Variants in MYO10 observed in about 807,000 individuals in gnomAD.
MYO10 encodes myosin X.
In MYO10, 133 loss-of-function variants were observed where a neutral mutation model predicts 257.3. That is an observed-to-expected ratio of 0.52 (90% CI 0.45 to 0.60). MYO10 has a LOEUF of 0.60. Among genes scored for constraint, MYO10 ranks in the 20% least tolerant of loss-of-function variants. The pLI is 0.00. For synonymous variants in MYO10, 1,104 were observed against 1,028.6 expected (o/e 1.07, Z -1.40); for missense variants, 2,399 against 2,635.7 (o/e 0.91, Z 1.97).
At chr5:16,681,592 T>A in intron 31 of MYO10, 89 bp from the exon 32 acceptor site, 2 of 1,331,566 alleles carry the variant, frequency 1.5e-6, no homozygotes, top group Non-Finnish European at 2.1e-6. Flanking sequence ...AACACATGGG[T>A]GGGGTTTCTA....
chr5:16,784,949 A>G (rs139996201), intron 4 of MYO10, among the ~76,000 whole-genome samples: 1 of 152,242 alleles, frequency 6.6e-6, no homozygotes, highest in African/African-American at 2.4e-5. Context: ...TCACGATTCC[A>G]CAAAGACATA....
At chr5:16,833,458 C>T (rs780276295) in intron 2 of MYO10, among the ~76,000 whole-genome samples, 3 of 152,128 alleles carry the variant, frequency 2.0e-5, no homozygotes, top group Non-Finnish European at 4.4e-5. Context: ...GTGATTTGCC[C>T]ACCTCAGCCT....
At chr5:16,704,395 C>T (rs545789209) in intron 22 of MYO10, among the ~76,000 whole-genome samples, 184 bp downstream of exon 22, 2 of 152,262 alleles carry the variant, frequency 1.3e-5, no homozygotes, top group East Asian at 3.9e-4. Flanking sequence ...TCAAAAAGTG[C>T]AGAGCTCCCT....
intron 14 of MYO10, 139 bp downstream of exon 14, chr5:16,763,342 T>G: frequency 1.4e-6 from 1 of 698,590 alleles, no homozygotes. Context: ...TTTACATTTA[T>G]GTTTCCAAAT....
At chr5:16,848,155 C>CTTTTTTCTTTTTTTTCT (rs1554002461) in intron 2 of MYO10, among the ~76,000 whole-genome samples, 1 of 113,596 alleles carries the variant, frequency 8.8e-6, no homozygotes, top group African/African-American at 3.7e-5. Context: ...CTACACATTT[C>CTTTTTTCTTTTTTTTCT]TTTTTTTTTT....
At chr5:16,880,684 A>G (rs1744733596) in intron 1 of MYO10, among the ~76,000 whole-genome samples, 1 of 152,186 alleles carries the variant, frequency 6.6e-6, no homozygotes, top group African/African-American at 2.4e-5. Flanking sequence ...CTATTTGCAC[A>G]CAAGTCCCTC....
At chr5:16,910,956 T>TA (rs955821252) in intron 1 of MYO10, among the ~76,000 whole-genome samples, 23 of 140,274 alleles carry the variant, frequency 1.6e-4, no homozygotes, top group East Asian at 7.8e-4. Flanking sequence ...AGCTCTTAAA[T>TA]AAAAAAAAAG....
At chr5:16,852,105 A>AGAAG (rs538621466) in intron 2 of MYO10, among the ~76,000 whole-genome samples, 6 of 149,522 alleles carry the variant, frequency 4.0e-5, no homozygotes, top group South Asian at 2.1e-4. Flanking sequence ...TGGGAAGGAA[A>AGAAG]GAAGGAAGGA....
chr5:16,842,715 A>G (rs373599913), intron 2 of MYO10, among the ~76,000 whole-genome samples: 1 of 152,098 alleles, frequency 6.6e-6, no homozygotes, highest in South Asian at 2.1e-4. Context: ...GCTTGAGACC[A>G]GGAGTTTGAC....
chr5:16,874,131 G>A (rs985284898), intron 2 of MYO10, among the ~76,000 whole-genome samples: 2 of 151,864 alleles, frequency 1.3e-5, no homozygotes, highest in African/African-American at 2.4e-5. Flanking sequence ...TCAGCAGATC[G>A]AGACCATCCT....
At chr5:16,751,124 T>C (rs539050937) in intron 19 of MYO10, among the ~76,000 whole-genome samples, 1 of 152,314 alleles carries the variant, frequency 6.6e-6, no homozygotes, top group Non-Finnish European at 1.5e-5. Context: ...TTCGGTGGAC[T>C]GCGACTGGAG....
chr5:16,800,018 T>C (rs190002528), intron 3 of MYO10, among the ~76,000 whole-genome samples: 1 of 152,272 alleles, frequency 6.6e-6, no homozygotes, highest in Non-Finnish European at 1.5e-5. Context: ...CAGAACACTT[T>C]ACCAGATGGC....
intron 1 of MYO10, among the ~76,000 whole-genome samples, chr5:16,900,434 G>A (rs552196149): frequency 1.4e-4 from 22 of 152,236 alleles, no homozygotes; most frequent in Non-Finnish European, 2.1e-4. Flanking sequence ...TAGTGTGCCT[G>A]AACAGAGAAA....
chr5:16,792,583 C>CCG (rs1741799276), intron 4 of MYO10, among the ~76,000 whole-genome samples: 1 of 140,654 alleles, frequency 7.1e-6, no homozygotes, highest in Admixed American at 6.9e-5. Context: ...CCCACAGGAG[C>CCG]GGGGGGCGGG....
At chr5:16,712,343 A>T (rs1170722517) in intron 19 of MYO10, among the ~76,000 whole-genome samples, 2 of 152,332 alleles carry the variant, frequency 1.3e-5, no homozygotes, top group South Asian at 4.1e-4. Context: ...GCTGCCAAAC[A>T]AACTGGCACT....
intron 1 of MYO10, among the ~76,000 whole-genome samples, chr5:16,880,392 A>ATAGATAAG (rs1744723870): frequency 6.6e-6 from 1 of 151,590 alleles, no homozygotes; most frequent in African/African-American, 2.4e-5. Context: ...CCACTGACCA[A>ATAGATAAG]CTCACAGAGT....
chr5:16,701,547 T>C lies in MYO10; in HGVS notation c.2848A>G (p.Ile950Val). The change falls in exon 25 of 41, where the codon ATC (isoleucine) becomes GTC (valine). Residue 950 changes from isoleucine (I) to valine (V), a missense_variant. Coordinates refer to ENST00000513610, the MANE Select transcript of MYO10 (RefSeq NM_012334.3). This position sits in a 1 kb window ranked among gnomAD's most constrained non-coding sequence, Gnocchi z 8.1. ...TCGATATTCCGGACACACTCGTCGA[T>C]CTCGTCGAAATTGAGGGACTCGAGG... ...EFLESLNFDE[I>V]DECVRNIERS... 7 of 1,613,838 alleles carry C rather than the reference T, an allele frequency of 4.3e-6. No individual in the cohort carries two copies. Among genetic ancestry groups the C allele is most frequent in the Non-Finnish European group, 5.1e-6 (6 of 1,179,870 alleles).
At position 16,890,670 on chromosome 5, in the gene MYO10, T is replaced by C. The variant is rs1293646939; in HGVS notation, c.22-12963A>G. ...GCCTGGCCAACACGGAGAAACCCTATCTCCACTAAAAATACAAAAATTAGC... is the reference window on the plus strand; with the variant it reads ...GCCTGGCCAACACGGAGAAACCCTACCTCCACTAAAAATACAAAAATTAGC... On this transcript the variant is annotated intron_variant, in intron 1 of 40. Coordinates refer to ENST00000513610, the MANE Select transcript of MYO10 (RefSeq NM_012334.3). Among the ~76,000 whole-genome samples, 9 of 151,338 alleles carry C rather than the reference T, an allele frequency of 5.9e-5. 1 individual carries two copies. The highest frequency in any genetic ancestry group is 2.2e-4 in the African/African-American group (9 of 40,868).
rs376236836 is a variant in MYO10 at position 16,831,208 on chromosome 5, A to C, written c.121-13041T>G. On this transcript the variant is annotated intron_variant, in intron 2 of 40. Transcript: ENST00000513610. ...CTGCAGGAACGGCCACAGTCAAAAAATTAAAAAAGAATCAATGTTGTCATG... is the reference window on the plus strand; with the variant it reads ...CTGCAGGAACGGCCACAGTCAAAAACTTAAAAAAGAATCAATGTTGTCATG... Among the ~76,000 whole-genome samples, 83 of 152,298 alleles carry C rather than the reference A, an allele frequency of 5.4e-4. 2 individuals carry two copies. The South Asian group carries it at 0.016, about 29-fold the overall frequency.
Sources: gnomAD v4.1 joint callset for allele counts (sites outside exome capture counted in the v4.1 genomes callset) on GRCh38, gnomAD v4.1.1 for gene constraint, Gnocchi (gnomAD v3.1) non-coding constraint, MANE v1.5 for transcripts, NCBI Gene and HGNC (gene_info 2026-07-23, HGNC 2026-07-21) for gene names.